BAZ2A: variants seen among roughly 807,000 people sequenced by gnomAD.
The protein encoded by BAZ2A is bromodomain adjacent to zinc finger domain 2A, also known as bromodomain adjacent to zinc finger domain protein 2A.
A neutral mutation model predicts 199.9 loss-of-function variants in BAZ2A; 34 were observed. That is an observed-to-expected ratio of 0.17 (90% CI 0.13 to 0.23). The LOEUF is 0.23. Ranked by LOEUF, BAZ2A falls within the 10% of genes least tolerant of loss-of-function variation. BAZ2A has a pLI of 1.00. For missense variants in BAZ2A, 2,002 were observed against 2,391.1 expected (o/e 0.84, Z 3.39); for synonymous variants, 857 against 883.9 (o/e 0.97, Z 0.54).
rs758948518 is a variant in BAZ2A at position 56,614,107 on chromosome 12, G to A, written c.762C>T (p.Val254=). The A allele has an allele frequency of 1.9e-6, 3 of 1,613,956 alleles. No individual in the cohort carries two copies. In the South Asian group the frequency reaches 3.3e-5, roughly 18 times the overall value. The stretch of plus-strand genomic sequence containing the variant: ...CTTGGTGTAACGATTCCACAGAAGG[G>A]ACAGAGCCATTGTAGCCACACATCT... ...ELKMCGYNGS[V]PSVESLHQEV... The change falls in exon 4 of 29, where the codon GTC becomes GTT. Residue 254 remains valine (V), a synonymous_variant. Transcript: ENST00000549884.
In BAZ2A at chr12:56,612,054, G is replaced by A; in HGVS notation, c.1328C>T (p.Ala443Val). 2 of 1,613,840 alleles carry A rather than the reference G, an allele frequency of 1.2e-6. No homozygotes were observed. Among genetic ancestry groups the A allele is most frequent in the East Asian group, 2.2e-5 (1 of 44,882 alleles). The change falls in exon 6 of 29, where the codon GCC (alanine) becomes GTC (valine). Residue 443 changes from alanine to valine, a missense_variant. Ala to Val is a moderately conservative substitution (Grantham distance 64, BLOSUM62 0). This residue lies in a region of BAZ2A where 641 missense variants were observed against 694.5 expected (regional missense o/e 0.92). Transcript: ENST00000549884. ...PAVSLVVSPA[A>V]SPEISPEVCP... is the part of the protein sequence containing the mutation. The stretch of plus-strand genomic sequence containing the variant: ...AACTTCTGGAGAGATTTCTGGGGAG[G>A]CTGCTGGAGAAACCACTAGGGAGAC...
chr12:56,606,103 A>C, intron 12 of BAZ2A, 40 bp from the exon 13 acceptor site: 1 of 1,549,528 alleles, frequency 6.5e-7, no homozygotes, highest in Non-Finnish European at 8.7e-7. Flanking sequence ...CCATAAAGAT[A>C]TCAGTCACTA....
At position 56,600,262 on chromosome 12, in the gene BAZ2A, C is replaced by T. The variant is rs769093047; in HGVS notation, c.4831G>A (p.Val1611Met). Reference protein sequence around the residue: ...REPLWPTHEVVLEKALLSTPN... With the variant: ...REPLWPTHEVMLEKALLSTPN... The stretch of plus-strand genomic sequence containing the variant: ...GTGCTAAGCAGGGCCTTCTCCAGCA[C>T]AACCTCATGAGTTGGCCAGAGGGGC... The change falls in exon 24 of 29, where the codon GTG becomes ATG. Residue 1611 changes from valine (V) to methionine (M), a missense_variant. Physicochemically the swap from Val to Met is conservative, Grantham distance 21. Coordinates refer to ENST00000549884, the MANE Select transcript of BAZ2A (RefSeq NM_001300905.2). The T allele has an allele frequency of 1.9e-6, 3 of 1,613,896 alleles. No individual in the cohort carries two copies. The highest frequency in any genetic ancestry group is 1.7e-5 in the Admixed American group (1 of 60,006).
At chr12:56,635,077 G>GA (rs1951415861), upstream of BAZ2A, 138 of 976,070 alleles carry the variant, frequency 1.4e-4, no homozygotes, top group Non-Finnish European at 1.6e-4. The surrounding 1 kb of genome is among the most constrained non-coding windows in gnomAD (Gnocchi z 4.1). Flanking sequence ...GCTTAAAGGG[G>GA]CAGGAACTAC....
intron 1 of BAZ2A, among the ~76,000 whole-genome samples, chr12:56,623,972 G>A (rs935556016): frequency 6.6e-6 from 1 of 151,816 alleles, no homozygotes; most frequent in Non-Finnish European, 1.5e-5. Context: ...CCACCAATAA[G>A]AGTTCCATGT....
At position 56,602,049 on chromosome 12, in the gene BAZ2A, G is replaced by T. The variant is rs772984421; in HGVS notation, c.3568C>A (p.Pro1190Thr). 6.4e-7 allele frequency: 1 copy of T among 1,556,710 alleles called. No homozygotes were observed. The highest frequency in any genetic ancestry group is 2.0e-5 in the Admixed American group (1 of 51,256). Residue 1190 changes from proline to threonine, a missense_variant, in exon 20 of 29, where the codon CCT becomes ACT. Around this residue, in one of 6 missense-constraint regions of BAZ2A, gnomAD observed 1,081 missense variants for 1,274.7 expected, o/e 0.85. Coordinates refer to ENST00000549884, the MANE Select transcript of BAZ2A (RefSeq NM_001300905.2). Reference sequence around the variant, plus strand: ...ATAGACCCGGGCTTAGTTTTTCGAGGTCGGCCTCGGGCCCGGGCAGGAGAA... The same window carrying T: ...ATAGACCCGGGCTTAGTTTTTCGAGTTCGGCCTCGGGCCCGGGCAGGAGAA... ...ASSPARARGR[P>T]RKTKPGSMQP...
upstream of BAZ2A, chr12:56,636,375 A>T: frequency 2.3e-5 from 28 of 1,213,678 alleles, no homozygotes; most frequent in East Asian, 1.5e-4. Flanking sequence ...CCTGTGTGAC[A>T]GACTGGGGTG....
chr12:56,604,359 G>T, intron 15 of BAZ2A, 68 bp from the exon 16 acceptor site: 1 of 1,485,292 alleles, frequency 6.7e-7, no homozygotes. Context: ...CAAGGGTAAA[G>T]GGGCTGCAGC....
chr12:56,635,006 G>C (rs1232242176), upstream of BAZ2A: 1 of 984,566 alleles, frequency 1.0e-6, no homozygotes, highest in Non-Finnish European at 1.2e-6. The surrounding 1 kb of genome is among the most constrained non-coding windows in gnomAD (Gnocchi z 4.1). Context: ...GGCCGAGCCG[G>C]GCGGCGGCTG....
intron 3 of BAZ2A, 194 bp downstream of exon 3, chr12:56,614,820 A>T (rs1042032133): frequency 6.2e-5 from 40 of 644,208 alleles, no homozygotes; most frequent in Middle Eastern, 5.3e-4. Flanking sequence ...AATAATTTGC[A>T]CTCCCACTCG....
Position 56,612,086 on chromosome 12 carries a change from GGAGGTTGTTGGCGAGACTGCTGGT to G in BAZ2A, c.1272_1295del (p.Pro429_Ser436del), listed in dbSNP as rs767681393. 6.2e-6 allele frequency: 10 copies of G among 1,613,662 alleles called. No homozygotes were observed. The highest frequency in any genetic ancestry group is 1.6e-4 in the Middle Eastern group (1 of 6,084). On this transcript the variant is annotated inframe_deletion, in exon 6 of 29. Coordinates refer to ENST00000549884, the MANE Select transcript of BAZ2A (RefSeq NM_001300905.2). The stretch of plus-strand genomic sequence containing the variant: ...GAGAAACCACTAGGGAGACTGCTGG[GGAGGTTGTTGGCGAGACTGCTGGT>G]GAGGTTGCTGGATGTAGCTGAATAG...
chr12:56,610,718 A>ATTT (rs1950533931), intron 7 of BAZ2A, among the ~76,000 whole-genome samples: 1 of 152,216 alleles, frequency 6.6e-6, no homozygotes, highest in Non-Finnish European at 1.5e-5. Context: ...GGCCCTTAGG[A>ATTT]GAAAAGCACT....
Position 56,604,678 on chromosome 12 carries a change from C to T in BAZ2A, c.2870G>A (p.Arg957His). The change falls in exon 15 of 29, where the codon CGC becomes CAC. Residue 957 changes from arginine to histidine, a missense_variant. This residue lies in a region of BAZ2A where 1,081 missense variants were observed against 1,274.7 expected (regional missense o/e 0.85). Transcript: ENST00000549884. ...TGGCTGGGCCTGAAAAGGCTGGGTG[C>T]GCAGGCGGTCACAGAGGGCTGGCTC... ...GVEPALCDRLRTQPFQAQPPQ... is the reference protein window; with the variant it reads ...GVEPALCDRLHTQPFQAQPPQ... The T allele has an allele frequency of 1.2e-6, 2 of 1,612,456 alleles. No individual in the cohort carries two copies. Among genetic ancestry groups the T allele is most frequent in the East Asian group, 2.2e-5 (1 of 44,850 alleles).
At chr12:56,636,393 A>C, upstream of BAZ2A, 4 of 592,808 alleles carry the variant, frequency 6.7e-6, no homozygotes, top group Non-Finnish European at 9.8e-6. Context: ...GTGGGGAGGG[A>C]GGAGGGAAGG....
rs375596833 is a variant in BAZ2A, at chr12:56,605,151, G to A, written c.2670C>T (p.Ser890=). The stretch of plus-strand genomic sequence containing the variant: ...CCAGCAGGTCTTGCACCTCACCCAA[G>A]CTGTCACCTTGACACAGGAGTCCCT... ...LQEGLLCQGD[S]LGEVQDLLVR... is the part of the protein sequence containing the mutation. The change falls in exon 14 of 29, where the codon AGC becomes AGT. Residue 890 remains serine, a synonymous_variant. Transcript: ENST00000549884. The A allele has an allele frequency of 4.3e-6, 7 of 1,613,750 alleles. No individual in the cohort carries two copies. The African/African-American group carries it at 5.3e-5, about 12-fold the overall frequency.
chr12:56,628,376 A>G, intron 1 of BAZ2A, among the ~76,000 whole-genome samples: 1 of 152,090 alleles, frequency 6.6e-6, no homozygotes, highest in Non-Finnish European at 1.5e-5. Flanking sequence ...AAGAAAGAAA[A>G]AAAAAATCTG....
chr12:56,618,984 C>T (rs1211404307), intron 1 of BAZ2A, among the ~76,000 whole-genome samples: 1 of 152,040 alleles, frequency 6.6e-6, no homozygotes, highest in Non-Finnish European at 1.5e-5. Flanking sequence ...CTATTTGAGG[C>T]TAAGAGTTTA....
At chr12:56,610,029 C>A in intron 9 of BAZ2A, 83 bp from the exon 10 acceptor site, 2 of 1,599,786 alleles carry the variant, frequency 1.3e-6, no homozygotes, top group Admixed American at 3.3e-5. Flanking sequence ...TGCCCCAGAA[C>A]CTTCAAACCC....
At chr12:56,636,867 A>C (rs1052935557), upstream of BAZ2A, 9 of 152,616 alleles carry the variant, frequency 5.9e-5, no homozygotes, top group African/African-American at 2.2e-4. Context: ...ATGACACAGG[A>C]GAGACTGCGG....
Sources: allele counts gnomAD v4.1 joint callset (sites outside exome capture counted in the v4.1 genomes callset), GRCh38; gene constraint gnomAD v4.1.1; regional missense constraint gnomAD v4.1.1; non-coding constraint Gnocchi (gnomAD v3.1); transcripts MANE v1.5; gene names NCBI Gene and HGNC (gene_info 2026-07-23, HGNC 2026-07-21).